DDX6: variants seen among roughly 807,000 people sequenced by gnomAD.
DDX6 encodes DEAD-box helicase 6.
DDX6 carries 7 observed loss-of-function variants against 60.6 expected under a neutral mutation model. That is an observed-to-expected ratio of 0.12 (90% CI 0.07 to 0.22). The LOEUF is 0.22. Among genes scored for constraint, DDX6 ranks in the 10% least tolerant of loss-of-function variants. The pLI is 1.00. For synonymous variants in DDX6, 207 were observed against 201.0 expected (o/e 1.03, Z -0.25); for missense variants, 270 against 589.9 (o/e 0.46, Z 5.62).
rs1364404206 is a variant in DDX6 at position 118,767,721 on chromosome 11, C to T, written c.499+502G>A. On this transcript the variant is annotated intron_variant, in intron 5 of 13. Coordinates refer to ENST00000534980, the MANE Select transcript of DDX6 (RefSeq NM_004397.6). The stretch of plus-strand genomic sequence containing the variant: ...AATCTTGGCTCACTGCAACCTCCAC[C>T]TCCTGGGTTCCAGTGACTCTCGTGC... 2.0e-5 allele frequency: 3 copies of T among 150,820 alleles called. No homozygotes were observed. In the East Asian group the frequency reaches 5.8e-4, roughly 29 times the overall value. The allele number at this position is 150,820 out of a possible 1,614,324, so 9.3% of individuals were successfully genotyped here.
intron 1 of DDX6, chr11:118,787,408 G>A: frequency 6.6e-6 from 1 of 152,252 alleles, no homozygotes; most frequent in Non-Finnish European, 1.5e-5. Flanking sequence ...GGCGGAGGTT[G>A]CAGTGAGCCA....
At chr11:118,774,756 A>C (rs1230285437) in intron 4 of DDX6, among the ~76,000 whole-genome samples, 2 of 152,152 alleles carry the variant, frequency 1.3e-5, no homozygotes, top group African/African-American at 2.4e-5. Flanking sequence ...AACTGCAACT[A>C]AATTCCATCT....
intron 6 of DDX6, among the ~76,000 whole-genome samples, chr11:118,764,760 C>T (rs1168521719): frequency 5.3e-5 from 8 of 150,822 alleles, no homozygotes; most frequent in African/African-American, 1.2e-4. Flanking sequence ...GTCAAGATTG[C>T]GCCTCTGCAC....
chr11:118,756,022 C>CG (rs1353504614), intron 11 of DDX6, among the ~76,000 whole-genome samples: 1 of 126,792 alleles, frequency 7.9e-6, no homozygotes, highest in East Asian at 2.7e-4. Context: ...CCCCTCCCCC[C>CG]CCCCCCCAAA....
intron 4 of DDX6, among the ~76,000 whole-genome samples, chr11:118,770,200 A>G (rs1053923202): frequency 2.6e-5 from 4 of 151,054 alleles, no homozygotes; most frequent in Non-Finnish European, 5.9e-5. Flanking sequence ...TAATTCTTGT[A>G]TTTTTAGTAG....
Position 118,779,627 on chromosome 11 carries a change from C to T in DDX6, c.369+5G>A, listed in dbSNP as rs781978916. ...TTACATATGTGATAAAAAGGGTTAACATACCTGAATAGGAGATGGCTTTTC... is the reference window on the plus strand; with the variant it reads ...TTACATATGTGATAAAAAGGGTTAATATACCTGAATAGGAGATGGCTTTTC... On this transcript the variant is annotated splice_donor_5th_base_variant and intron_variant, in intron 4 of 13. Transcript: ENST00000534980. 2 of 1,592,114 alleles carry T rather than the reference C, an allele frequency of 1.3e-6. No individual in the cohort carries two copies. The highest frequency in any genetic ancestry group is 1.7e-5 in the Admixed American group (1 of 58,690).
At chr11:118,784,177 A>G (rs1192222550) in intron 2 of DDX6, among the ~76,000 whole-genome samples, 1 of 152,116 alleles carries the variant, frequency 6.6e-6, no homozygotes, top group Non-Finnish European at 1.5e-5. Context: ...CTACAACTGA[A>G]GTAGTATTCA....
intron 13 of DDX6, among the ~76,000 whole-genome samples, chr11:118,753,399 G>C (rs1555157935): frequency 7.1e-6 from 1 of 141,550 alleles, no homozygotes; most frequent in Non-Finnish European, 1.5e-5. Flanking sequence ...GAGTGCAGTG[G>C]TGCGGTCTCA....
intron 13 of DDX6, among the ~76,000 whole-genome samples, chr11:118,753,336 C>CTT (rs34191912): frequency 4.6e-4 from 31 of 67,410 alleles, no homozygotes; most frequent in African/African-American, 8.3e-4. Context: ...GCCCAAGTGG[C>CTT]TTTTTTTTTT....
chr11:118,764,736 G>A (rs571719786), intron 6 of DDX6, among the ~76,000 whole-genome samples: 48 of 151,542 alleles, frequency 3.2e-4, no homozygotes, highest in African/African-American at 1.2e-3. Flanking sequence ...CCTGGGAGGC[G>A]GAGATTGCAG....
chr11:118,763,951 A>C (rs2137455037), intron 6 of DDX6, among the ~76,000 whole-genome samples: 1 of 152,146 alleles, frequency 6.6e-6, no homozygotes, highest in East Asian at 1.9e-4. Flanking sequence ...ATTTCACCAC[A>C]GGATGCTTAA....
chr11:118,752,429 TGATGTTTAACTTAAGGAAAAAAA>T (rs1860807854), intron 13 of DDX6, among the ~76,000 whole-genome samples: 1 of 152,180 alleles, frequency 6.6e-6, no homozygotes, highest in African/African-American at 2.4e-5. Flanking sequence ...AGTTTGTGTT[TGATGTTTAACTTAAGGAAAAAAA>T]GAGTACAGAG....
At chr11:118,778,764 T>G (rs1252053162) in intron 4 of DDX6, among the ~76,000 whole-genome samples, 4 of 152,080 alleles carry the variant, frequency 2.6e-5, no homozygotes, top group Admixed American at 2.6e-4. Flanking sequence ...AGGCACACCT[T>G]CAAACATGAT....
In DDX6 at chr11:118,757,591, T is replaced by C. The variant is rs1013324401; in HGVS notation, c.994-304A>G. On this transcript the variant is annotated intron_variant, in intron 9 of 13. Transcript: ENST00000534980. ...TGTGTTTCCATTTAAAAATATTTTATTTTATTTTTTTTTTGTGAAATGGAG... is the reference window on the plus strand; with the variant it reads ...TGTGTTTCCATTTAAAAATATTTTACTTTATTTTTTTTTTGTGAAATGGAG... Among the ~76,000 whole-genome samples the C allele has an allele frequency of 1.2e-3, 169 of 145,872 alleles. 2 individuals carry two copies. The highest frequency in any genetic ancestry group is 4.1e-3 in the African/African-American group (167 of 40,912).
At chr11:118,783,309 C>T (rs115376033) in intron 2 of DDX6, among the ~76,000 whole-genome samples, 5 of 152,156 alleles carry the variant, frequency 3.3e-5, no homozygotes, top group Non-Finnish European at 7.4e-5. Flanking sequence ...TGGGGTCTTA[C>T]CCTGTCACCC....
intron 5 of DDX6, among the ~76,000 whole-genome samples, chr11:118,766,106 TA>T (rs1306567184): frequency 1.3e-5 from 2 of 151,918 alleles, no homozygotes; most frequent in Non-Finnish European, 2.9e-5. Context: ...CTGCCCCTTA[TA>T]ATCTAGATAC....
At chr11:118,755,548 T>C (rs1555158577) in intron 11 of DDX6, 45 bp from the exon 12 acceptor site, 1 of 1,095,410 alleles carries the variant, frequency 9.1e-7, no homozygotes, top group African/African-American at 1.5e-5. Context: ...TTTAGAAATG[T>C]CTCTCAGTAC....
chr11:118,756,499 C>A (rs369164358), intron 10 of DDX6, among the ~76,000 whole-genome samples, 176 bp from the exon 11 acceptor site: 2 of 152,146 alleles, frequency 1.3e-5, no homozygotes, highest in African/African-American at 4.8e-5. Context: ...TCTACAGAAA[C>A]TGTTTACTTA....
intron 2 of DDX6, among the ~76,000 whole-genome samples, chr11:118,784,987 C>T (rs904348046): frequency 6.6e-6 from 1 of 152,296 alleles, no homozygotes; most frequent in Non-Finnish European, 1.5e-5. Flanking sequence ...AGGCTGGTCT[C>T]GAACTCCCGA....
Sources: allele counts gnomAD v4.1 joint callset (sites outside exome capture counted in the v4.1 genomes callset), GRCh38; gene constraint gnomAD v4.1.1; transcripts MANE v1.5; gene names NCBI Gene and HGNC (gene_info 2026-07-23, HGNC 2026-07-21).